CDH13: variants seen among roughly 807,000 people sequenced by gnomAD.
CDH13 encodes cadherin-13.
CDH13 carries 24 observed loss-of-function variants against 63.8 expected under a neutral mutation model. The observed-to-expected ratio is 0.38, with a 90% CI of 0.27 to 0.53. The LOEUF (loss-of-function observed/expected upper bound fraction) is 0.53, where lower values mean the gene tolerates loss of function less well. Ranked by LOEUF, CDH13 falls within the 20% of genes least tolerant of loss-of-function variation. CDH13 has a pLI of 0.85. For synonymous variants in CDH13, 503 were observed against 355.3 expected, an observed-to-expected ratio of 1.42 and a Z score of -4.67; for missense variants, 1,049 against 903.1, an observed-to-expected ratio of 1.16 and a Z score of -2.07.
chr16:83,054,688 A>G (rs2030739594), intron 3 of CDH13, among the ~76,000 whole-genome samples: 1 of 152,188 alleles, frequency 6.6e-6, no homozygotes, highest in South Asian at 2.1e-4. Context: ...TGGTGTATAA[A>G]ATAAAACTAA....
At chr16:83,109,536 A>T (rs895206917) in intron 3 of CDH13, among the ~76,000 whole-genome samples, 1 of 151,164 alleles carries the variant, frequency 6.6e-6, no homozygotes, top group Non-Finnish European at 1.5e-5. Context: ...AATTGAAAAT[A>T]ATTCTTTTTC....
chr16:83,592,186 G>A (rs1439863693), intron 7 of CDH13, among the ~76,000 whole-genome samples: 1 of 152,144 alleles, frequency 6.6e-6, no homozygotes, highest in Admixed American at 6.5e-5. Flanking sequence ...ACAATGCCTA[G>A]CACACAGTAA....
intron 1 of CDH13, among the ~76,000 whole-genome samples, chr16:82,662,480 C>A (rs1176377895): frequency 1.3e-5 from 2 of 152,128 alleles, no homozygotes; most frequent in African/African-American, 4.8e-5. Context: ...TTTCTCTTTG[C>A]CTCTTTAGAG....
chr16:82,925,564 C>T (rs567731725), intron 2 of CDH13, among the ~76,000 whole-genome samples: 2 of 152,180 alleles, frequency 1.3e-5, no homozygotes, highest in Non-Finnish European at 2.9e-5. Context: ...ATTCGTGTCC[C>T]CAGCCATTGT....
At chr16:82,948,158 T>C (rs1054062349) in intron 2 of CDH13, among the ~76,000 whole-genome samples, 3 of 152,170 alleles carry the variant, frequency 2.0e-5, no homozygotes, top group African/African-American at 7.2e-5. Context: ...AAACACCATT[T>C]TGATTCCCAA....
chr16:83,282,982 A>G (rs1235314563), intron 5 of CDH13, among the ~76,000 whole-genome samples: 3 of 152,212 alleles, frequency 2.0e-5, no homozygotes, highest in African/African-American at 7.2e-5. Flanking sequence ...GTAAACTCCG[A>G]ATTAATTCTG....
intron 5 of CDH13, among the ~76,000 whole-genome samples, chr16:83,299,646 C>A (rs551945111): frequency 6.6e-5 from 10 of 152,316 alleles, no homozygotes; most frequent in Admixed American, 3.3e-4. Flanking sequence ...CATCTCTTAA[C>A]CTCCTCTCAT....
intron 10 of CDH13, among the ~76,000 whole-genome samples, chr16:83,686,834 C>G (rs1177809086): frequency 6.6e-6 from 1 of 152,068 alleles, no homozygotes; most frequent in Admixed American, 6.6e-5. Context: ...TGGTGCATGA[C>G]CAGTGCTCAG....
intron 1 of CDH13, among the ~76,000 whole-genome samples, chr16:82,814,332 G>A (rs1028195722): frequency 9.2e-5 from 14 of 152,108 alleles, no homozygotes; most frequent in Non-Finnish European, 1.9e-4. Context: ...ATACCCCCAG[G>A]ATGGGTGCTG....
chr16:82,853,210 A>G (rs1207957416), intron 1 of CDH13, among the ~76,000 whole-genome samples: 2 of 152,196 alleles, frequency 1.3e-5, no homozygotes, highest in East Asian at 3.9e-4. Flanking sequence ...CTGATGGTGC[A>G]GCTGATCCTG....
intron 1 of CDH13, among the ~76,000 whole-genome samples, chr16:82,668,689 C>G (rs979935428): frequency 6.6e-6 from 1 of 152,132 alleles, no homozygotes; most frequent in African/African-American, 2.4e-5. Flanking sequence ...CTGAGTGATT[C>G]TGATGTACAC....
intron 7 of CDH13, among the ~76,000 whole-genome samples, chr16:83,581,609 C>G (rs11149580): frequency 0.71 from 107,439 of 151,976 alleles, 38,470 homozygotes; most frequent in Middle Eastern, 0.79. Context: ...TTTGAGTCCA[C>G]GAGTTTGAGA....
chr16:82,922,316 A>G (rs557798412), intron 2 of CDH13, among the ~76,000 whole-genome samples: 2 of 152,222 alleles, frequency 1.3e-5, no homozygotes, highest in Non-Finnish European at 2.9e-5. Context: ...TCACATAAGT[A>G]ACTAGGAAAG....
At chr16:82,691,128 T>A (rs1462041) in intron 1 of CDH13, among the ~76,000 whole-genome samples, 22,495 of 152,230 alleles carry the variant, frequency 0.15, 1,916 homozygotes, top group East Asian at 0.31. Context: ...CTCAGAGATA[T>A]AACAATCAGC....
At chr16:83,352,863 C>T (rs773493194) in intron 6 of CDH13, among the ~76,000 whole-genome samples, 6 of 152,282 alleles carry the variant, frequency 3.9e-5, no homozygotes, top group Non-Finnish European at 7.3e-5. Context: ...GCACTCCAGC[C>T]TGGGCGATAG....
intron 5 of CDH13, among the ~76,000 whole-genome samples, chr16:83,325,926 C>T (rs77161840): frequency 6.6e-6 from 1 of 152,130 alleles, no homozygotes; most frequent in African/African-American, 2.4e-5. Context: ...GTCCCTTCTT[C>T]TCATCCAGCA....
intron 13 of CDH13, among the ~76,000 whole-genome samples, chr16:83,786,061 C>T (rs942584271): frequency 1.3e-5 from 2 of 152,142 alleles, no homozygotes; most frequent in Admixed American, 6.5e-5. Context: ...CACCATCCCT[C>T]CTCCAGAGAG....
chr16:83,605,437 G>T (rs150486657), intron 8 of CDH13, among the ~76,000 whole-genome samples: 1 of 152,176 alleles, frequency 6.6e-6, no homozygotes, highest in African/African-American at 2.4e-5. Context: ...GAAGTAAGGA[G>T]GGGGCGCTGG....
At chr16:83,427,823 G>C (rs985709885) in intron 6 of CDH13, among the ~76,000 whole-genome samples, 1 of 152,208 alleles carries the variant, frequency 6.6e-6, no homozygotes, top group Admixed American at 6.5e-5. Context: ...AACAATGTGA[G>C]CTTCTGTTCC....
Sources: allele counts gnomAD v4.1 joint callset (sites outside exome capture counted in the v4.1 genomes callset), GRCh38; gene constraint gnomAD v4.1.1; transcripts MANE v1.5; gene names NCBI Gene and HGNC (gene_info 2026-07-23, HGNC 2026-07-21).